The following PDZD2 variants were observed in gnomAD, a reference collection of about 807,000 sequenced individuals.
The protein encoded by PDZD2 is PDZ domain-containing protein 2.
Under a neutral mutation model 220.7 loss-of-function variants are expected in PDZD2, and 90 were observed. That is an observed-to-expected ratio of 0.41 (90% CI 0.34 to 0.49). PDZD2 has a LOEUF of 0.49. Ranked by LOEUF, PDZD2 falls within the 20% of genes least tolerant of loss-of-function variation. PDZD2 has a pLI of 0.28. For missense variants in PDZD2, 3,174 were observed against 3,608.5 expected, an observed-to-expected ratio of 0.88 and a Z score of 3.08; for synonymous variants, 1,375 against 1,450.5, an observed-to-expected ratio of 0.95 and a Z score of 1.18.
At chr5:32,101,373 T>C in intron 24 of PDZD2, 134 bp downstream of exon 24, 1 of 822,834 alleles carries the variant, frequency 1.2e-6, no homozygotes, top group African/African-American at 1.7e-5. Flanking sequence ...ATACAAGGTT[T>C]ATTCTGTATG....
At chr5:31,981,274 C>T (rs1173802528) in intron 2 of PDZD2, among the ~76,000 whole-genome samples, 3 of 151,994 alleles carry the variant, frequency 2.0e-5, no homozygotes, top group African/African-American at 4.8e-5. Context: ...TGTTGTTGTT[C>T]ACTTTATTCT....
rs76410506 is a variant in PDZD2, at chr5:31,850,225, A to T, written c.476+50501A>T. Among the ~76,000 whole-genome samples the T allele has an allele frequency of 4.7e-3, 228 of 48,380 alleles. 2 individuals are homozygous for T. The highest frequency in any genetic ancestry group is 0.032 in the African/African-American group (198 of 6,100). 31.7% of individuals were successfully genotyped at this position (48,380 alleles called of 152,430 possible). On this transcript the variant is annotated intron_variant, in intron 2 of 24. Coordinates refer to ENST00000438447, the MANE Select transcript of PDZD2 (RefSeq NM_178140.4). ...ATAAGTATATATGTGTATATATATA[A>T]GTATATATATATATATATACACACA... is the stretch of plus-strand genomic sequence containing the variant.
intron 5 of PDZD2, among the ~76,000 whole-genome samples, chr5:32,003,331 CCACCA>C (rs1188913672): frequency 1.6e-3 from 109 of 69,602 alleles, no homozygotes; most frequent in African/African-American, 5.4e-3. Context: ...ACACACACCC[CCACCA>C]CACCACACAC....
Position 32,090,198 on chromosome 5 carries a change from G to C in PDZD2, c.6750G>C (p.Gln2250His). 6.2e-7 allele frequency: 1 copy of C among 1,614,144 alleles called. No individual in the cohort carries two copies. The highest frequency in any genetic ancestry group is 8.5e-7 in the Non-Finnish European group (1 of 1,180,010). Residue 2250 changes from glutamine to histidine, a missense_variant, in exon 20 of 25, where the codon CAG becomes CAC. Gln to His is a conservative substitution (Grantham distance 24, BLOSUM62 0). Around this residue, in one of 4 missense-constraint regions of PDZD2, gnomAD observed 631 missense variants for 789.9 expected, o/e 0.80. Coordinates refer to ENST00000438447, the MANE Select transcript of PDZD2 (RefSeq NM_178140.4). This position sits in a 1 kb window ranked among gnomAD's most constrained non-coding sequence, Gnocchi z 4.3. ...GCCTGGGTCGCTCTCGGGACAGCCA[G>C]GTCCCTGTGACAAGCAGTGTTGTCC... ...PHSLGRSRDSQVPVTSSVVPE... is the reference protein window; with the variant it reads ...PHSLGRSRDSHVPVTSSVVPE...
At chr5:31,711,152 T>A (rs1748083524) in intron 1 of PDZD2, among the ~76,000 whole-genome samples, 2 of 152,124 alleles carry the variant, frequency 1.3e-5, no homozygotes, top group African/African-American at 4.8e-5. Flanking sequence ...ACGCCAGATG[T>A]TCATCATGGA....
Position 32,000,437 on chromosome 5 carries a change from C to T in PDZD2, c.1254+166C>T, listed in dbSNP as rs1230761015. ...CCACAGGGCAACGCTATATGGAGAC[C>T]CTTAGCTGAAGTGCAGTTAGTTACT... is the stretch of plus-strand genomic sequence containing the variant. On this transcript the variant is annotated intron_variant, in intron 5 of 24. Coordinates refer to ENST00000438447, the MANE Select transcript of PDZD2 (RefSeq NM_178140.4). This position sits in a 1 kb window ranked among gnomAD's most constrained non-coding sequence, Gnocchi z 4.5. Among the ~76,000 whole-genome samples the T allele has an allele frequency of 6.6e-6, 1 of 152,162 alleles. No individual in the cohort carries two copies. The highest frequency in any genetic ancestry group is 2.4e-5 in the African/African-American group (1 of 41,442).
intron 14 of PDZD2, 89 bp from the exon 15 acceptor site, chr5:32,069,480 C>A: frequency 1.3e-6 from 1 of 768,596 alleles, no homozygotes; most frequent in Non-Finnish European, 2.3e-6. Flanking sequence ...TCTTTATCTG[C>A]ACTTGACTCT....
intron 15 of PDZD2, among the ~76,000 whole-genome samples, chr5:32,071,028 T>C (rs1437044974): frequency 6.6e-6 from 1 of 152,188 alleles, no homozygotes; most frequent in African/African-American, 2.4e-5. Context: ...GCTCTGTAGA[T>C]TGAAGAAGGG....
At chr5:31,964,019 ACT>A (rs747249580) in intron 2 of PDZD2, among the ~76,000 whole-genome samples, 2 of 152,024 alleles carry the variant, frequency 1.3e-5, no homozygotes, top group Non-Finnish European at 2.9e-5. Flanking sequence ...TCCATTTCTG[ACT>A]CTCTGCCTGT....
chr5:31,783,183 A>C (rs983287125), intron 1 of PDZD2, among the ~76,000 whole-genome samples: 1 of 152,130 alleles, frequency 6.6e-6, no homozygotes, highest in Non-Finnish European at 1.5e-5. Flanking sequence ...CTGCCTGAGG[A>C]GTCATTCCTC....
chr5:31,912,647 G>A (rs1351128964), intron 2 of PDZD2, among the ~76,000 whole-genome samples: 3 of 152,184 alleles, frequency 2.0e-5, no homozygotes, highest in Non-Finnish European at 2.9e-5. Flanking sequence ...TCCTGTAGCC[G>A]ATATGGCTAA....
rs752902099 is a variant in PDZD2, at chr5:32,074,168, C to T, written c.3062C>T (p.Pro1021Leu). Residue 1021 changes from proline to leucine, a missense_variant, in exon 18 of 25, where the codon CCC becomes CTC. Pro to Leu is a moderately conservative substitution (Grantham distance 98). Coordinates refer to ENST00000438447, the MANE Select transcript of PDZD2 (RefSeq NM_178140.4). ...GACGTCCACAACCAAGAGGAACGAC[C>T]CCGGAAAACACTGGTGAGCAAGGCC... is the stretch of plus-strand genomic sequence containing the variant. ...GMDVHNQEER[P>L]RKTLVSKAIS... The T allele has an allele frequency of 2.5e-6, 4 of 1,614,170 alleles. No homozygotes were observed. Among genetic ancestry groups the T allele is most frequent in the South Asian group, 2.2e-5 (2 of 91,082 alleles).
intron 2 of PDZD2, among the ~76,000 whole-genome samples, chr5:31,808,934 A>T (rs1236250782): frequency 1.3e-5 from 2 of 151,666 alleles, no homozygotes; most frequent in Non-Finnish European, 2.9e-5. Context: ...AGCCGAGATC[A>T]CACCACTGCA....
intron 3 of PDZD2, among the ~76,000 whole-genome samples, chr5:31,991,903 T>A (rs1481755260): frequency 6.6e-6 from 1 of 152,072 alleles, no homozygotes; most frequent in Non-Finnish European, 1.5e-5. Context: ...TGTGGTGGTG[T>A]GCACCTGTAA....
At chr5:31,870,901 A>C (rs532001731) in intron 2 of PDZD2, among the ~76,000 whole-genome samples, 1 of 152,044 alleles carries the variant, frequency 6.6e-6, no homozygotes, top group Non-Finnish European at 1.5e-5. Flanking sequence ...AAAAAAAAAA[A>C]AAAAGGAACA....
At chr5:32,095,577 G>A (rs1304114046) in intron 21 of PDZD2, among the ~76,000 whole-genome samples, 1 of 152,120 alleles carries the variant, frequency 6.6e-6, no homozygotes, top group Non-Finnish European at 1.5e-5. Context: ...CCCTGAGACT[G>A]TGCTGAGGCT....
intron 1 of PDZD2, among the ~76,000 whole-genome samples, chr5:31,758,712 C>T (rs1751444908): frequency 6.6e-6 from 1 of 152,170 alleles, no homozygotes; most frequent in South Asian, 2.1e-4. Flanking sequence ...CCCTTTCCTC[C>T]ATCCTCATCT....
chr5:31,875,782 G>T (rs76113721), intron 2 of PDZD2, among the ~76,000 whole-genome samples: 5,374 of 151,080 alleles, frequency 0.036, 144 homozygotes, highest in Non-Finnish European at 0.044. Flanking sequence ...CACATATATA[G>T]TCCCTAAAAA....
Position 32,109,473 on chromosome 5 carries a change from C to A in PDZD2, c.*1338C>A. ...AGCTATTCCGATTGGATATTCCGTTCGTCGTCACATAGCTGGCTTTTCTCT... is the reference window on the plus strand; with the variant it reads ...AGCTATTCCGATTGGATATTCCGTTAGTCGTCACATAGCTGGCTTTTCTCT... On this transcript the variant is annotated 3_prime_UTR_variant, in exon 25 of 25. Coordinates refer to ENST00000438447, the MANE Select transcript of PDZD2 (RefSeq NM_178140.4). The A allele has an allele frequency of 6.6e-6, 1 of 152,278 alleles. No individual in the cohort carries two copies. The highest frequency in any genetic ancestry group is 3.4e-3 in the Middle Eastern group (1 of 294). 9.4% of individuals were successfully genotyped at this position (152,278 alleles called of 1,614,324 possible). A position where few individuals can be genotyped will look rare whatever the true frequency, so the allele number is the denominator to read the frequency against.
Sources: allele counts gnomAD v4.1 joint callset (sites outside exome capture counted in the v4.1 genomes callset), GRCh38; gene constraint gnomAD v4.1.1; regional missense constraint gnomAD v4.1.1; non-coding constraint Gnocchi (gnomAD v3.1); transcripts MANE v1.5; gene names NCBI Gene and HGNC (gene_info 2026-07-23, HGNC 2026-07-21).